The following RTF2 variants were observed in gnomAD, a reference collection of about 807,000 sequenced individuals.
RTF2 encodes the protein UPF0549 protein C20orf43.
In RTF2, 18 loss-of-function variants were observed where a neutral mutation model predicts 38.0. The ratio of observed to expected loss-of-function variants is 0.47; its 90% CI spans 0.33 to 0.70. The LOEUF (loss-of-function observed/expected upper bound fraction) is 0.70, where lower values mean the gene tolerates loss of function less well. Among genes scored for constraint, RTF2 ranks in the 30% least tolerant of loss-of-function variants. The pLI is 0.02. For missense variants in RTF2, 311 were observed against 379.6 expected (o/e 0.82, Z 1.50); for synonymous variants, 126 against 137.1 (o/e 0.92, Z 0.57).
intron 5 of RTF2, among the ~76,000 whole-genome samples, chr20:56,492,445 C>T (rs1417660050): frequency 6.7e-6 from 1 of 149,676 alleles, no homozygotes; most frequent in Non-Finnish European, 1.5e-5. Context: ...ACAGGCCAGG[C>T]ACGGTGGCTC....
chr20:56,505,597 G>T (rs1199851578), intron 5 of RTF2, among the ~76,000 whole-genome samples: 2 of 151,772 alleles, frequency 1.3e-5, no homozygotes, highest in African/African-American at 2.4e-5. Flanking sequence ...GTTGGTGCTG[G>T]GTTTCACTTC....
At position 56,504,011 on chromosome 20, in the gene RTF2, AC is replaced by A. The variant is rs1350325319; in HGVS notation, c.478-9302del. 3 of 152,400 alleles carry A rather than the reference AC, an allele frequency of 2.0e-5. No homozygotes were observed. In the East Asian group the frequency reaches 5.8e-4, roughly 29 times the overall value. 9.4% of individuals were successfully genotyped at this position (152,400 alleles called of 1,614,324 possible). A position where few individuals can be genotyped will look rare whatever the true frequency, so the allele number is the denominator to read the frequency against. ...ACGCACATGCACATATACCTGCTTA[AC>A]CTTTGCCATTGGTGGGTCCTGCATA... On this transcript the variant is annotated intron_variant, in intron 5 of 8. Transcript: ENST00000357348.
At chr20:56,476,058 C>T (rs1027437538) in intron 3 of RTF2, among the ~76,000 whole-genome samples, 2 of 152,136 alleles carry the variant, frequency 1.3e-5, no homozygotes, top group Admixed American at 1.3e-4. Flanking sequence ...TCAAAATGGT[C>T]TCATTAAATA....
chr20:56,476,942 T>G (rs1308393553), intron 3 of RTF2, 43 bp from the exon 4 acceptor site: 1 of 1,600,134 alleles, frequency 6.2e-7, no homozygotes, highest in Non-Finnish European at 8.5e-7. Context: ...AAGGATGATC[T>G]GTTTATCAAA....
chr20:56,510,801 A>G (rs1034538657), intron 5 of RTF2, among the ~76,000 whole-genome samples: 1 of 152,160 alleles, frequency 6.6e-6, no homozygotes, highest in Non-Finnish European at 1.5e-5. Flanking sequence ...TTAGCCAGGC[A>G]TGGTGGCGCA....
intron 1 of RTF2, chr20:56,470,752 G>T (rs919214302): frequency 6.8e-6 from 3 of 442,216 alleles, no homozygotes; most frequent in South Asian, 3.1e-5. Context: ...TGCCTACGTG[G>T]TGGGGTCTCC....
intron 2 of RTF2, 104 bp from the exon 3 acceptor site, chr20:56,474,574 T>G (rs922866134): frequency 1.5e-6 from 1 of 649,664 alleles, no homozygotes; most frequent in Non-Finnish European, 2.6e-6. Context: ...GGTATTTCTC[T>G]TATCAAATGT....
At chr20:56,508,071 A>T (rs529937998) in intron 5 of RTF2, among the ~76,000 whole-genome samples, 2 of 152,110 alleles carry the variant, frequency 1.3e-5, no homozygotes, top group Non-Finnish European at 2.9e-5. Context: ...TAACTTCTCT[A>T]TGGCACCACC....
chr20:56,468,730 G>A lies in RTF2; in HGVS notation c.33G>A (p.Arg11=), dbSNP rs540761655. The change falls in exon 1 of 9, where the codon AGG becomes AGA. Residue 11 remains arginine (R), a synonymous_variant. Coordinates refer to ENST00000357348, the MANE Select transcript of RTF2 (RefSeq NM_016407.5). The stretch of plus-strand genomic sequence containing the variant: ...GCGACGGGGGAACAATCCCCAAGAG[G>A]CATGAACTGGTGAAGGGGCCGAAGA... The part of the protein sequence containing the change: MGCDGGTIPK[R]HELVKGPKKV... 2 of 1,590,518 alleles carry A rather than the reference G, an allele frequency of 1.3e-6. No individual in the cohort carries two copies. The highest frequency in any genetic ancestry group is 2.3e-5 in the South Asian group (2 of 87,498).
chr20:56,479,633 G>A lies in RTF2; in HGVS notation c.398+2509G>A, dbSNP rs1982427926. ...GGAATGGCAGAGGAAGCCTATGGCA[G>A]CTATAGCCTTATGAAATGTATTTTT... On this transcript the variant is annotated intron_variant, in intron 4 of 8. Coordinates refer to ENST00000357348, the MANE Select transcript of RTF2 (RefSeq NM_016407.5). 2.0e-5 allele frequency among the ~76,000 whole-genome samples: 3 copies of A among 152,210 alleles called. 1 individual carries two copies. The South Asian group carries it at 6.2e-4, about 32-fold the overall frequency.
chr20:56,510,563 T>TA (rs1438648494), intron 5 of RTF2, among the ~76,000 whole-genome samples: 2 of 152,366 alleles, frequency 1.3e-5, no homozygotes, highest in African/African-American at 4.8e-5. Context: ...TTTTTATTTT[T>TA]AAAAACTTGC....
intron 4 of RTF2, among the ~76,000 whole-genome samples, chr20:56,481,620 TAC>T (rs765825338): frequency 2.0e-5 from 3 of 150,752 alleles, no homozygotes; most frequent in Non-Finnish European, 4.4e-5. Context: ...CATATATATA[TAC>T]ACACACATAT....
Position 56,513,428 on chromosome 20 carries a change from G to T in RTF2, c.591G>T (p.Lys197Asn), listed in dbSNP as rs1236181960. ...GAAGGCTGAGAGCGAAGCTGGAAAA[G>T]GTAATGGGAGTCTTCAGGTTCCGCC... ...EERRLRAKLE[K>N]KTKKPKAAES... is the part of the protein sequence containing the mutation. Residue 197 changes from lysine (K) to asparagine (N), a missense_variant and splice_region_variant, in exon 6 of 9, where the codon AAG (lysine) becomes AAT (asparagine). Physicochemically the swap from Lys to Asn is moderately conservative, Grantham distance 94 (BLOSUM62 0). Coordinates refer to ENST00000357348, the MANE Select transcript of RTF2 (RefSeq NM_016407.5). 6.3e-7 allele frequency: 1 copy of T among 1,585,064 alleles called. No individual in the cohort carries two copies. The highest frequency in any genetic ancestry group is 1.3e-5 in the African/African-American group (1 of 74,512).
At chr20:56,503,302 A>C (rs1362893860) in intron 5 of RTF2, among the ~76,000 whole-genome samples, 3 of 152,232 alleles carry the variant, frequency 2.0e-5, no homozygotes, top group Non-Finnish European at 1.5e-5. Context: ...CAAAATGCCT[A>C]TTCCTAAAAC....
intron 5 of RTF2, among the ~76,000 whole-genome samples, chr20:56,485,727 T>C (rs1982762950): frequency 6.6e-6 from 1 of 152,206 alleles, no homozygotes; most frequent in African/African-American, 2.4e-5. Context: ...TTGGTTGATA[T>C]TCAGCCAGAA....
chr20:56,474,701 T>C lies in RTF2; in HGVS notation c.188T>C (p.Ile63Thr), dbSNP rs754573990. The change falls in exon 3 of 9, where the codon ATT (isoleucine) becomes ACT (threonine). Residue 63 changes from isoleucine to threonine, a missense_variant. Physicochemically the swap from Ile to Thr is moderately conservative, Grantham distance 89. Transcript: ENST00000357348. ...LGRLYNKDAV[I>T]EFLLDKSAEK... is the part of the protein sequence containing the mutation. ...AGACTTTATAACAAAGATGCCGTCATTGAATTTCTCTTGGACAAATCTGCA... is the reference window on the plus strand; with the variant it reads ...AGACTTTATAACAAAGATGCCGTCACTGAATTTCTCTTGGACAAATCTGCA... 7 of 1,610,312 alleles carry C rather than the reference T, an allele frequency of 4.3e-6. No individual in the cohort carries two copies. Among genetic ancestry groups the C allele is most frequent in the Non-Finnish European group, 5.1e-6 (6 of 1,178,778 alleles).
intron 3 of RTF2, among the ~76,000 whole-genome samples, chr20:56,476,055 G>A (rs889902102): frequency 6.6e-6 from 1 of 152,110 alleles, no homozygotes; most frequent in Non-Finnish European, 1.5e-5. Flanking sequence ...AAGTCAAAAT[G>A]GTCTCATTAA....
chr20:56,472,826 T>C (rs982042946), intron 1 of RTF2, among the ~76,000 whole-genome samples: 2 of 152,244 alleles, frequency 1.3e-5, no homozygotes, highest in Admixed American at 1.3e-4. Context: ...GATGTAGTAT[T>C]AATTACTTGT....
chr20:56,506,403 A>G (rs1387789295), intron 5 of RTF2, among the ~76,000 whole-genome samples: 1 of 148,734 alleles, frequency 6.7e-6, no homozygotes, highest in Non-Finnish European at 1.5e-5. Flanking sequence ...TCAGAGATGC[A>G]TGCAGTCAGC....
Sources: gnomAD v4.1 joint callset for allele counts (sites outside exome capture counted in the v4.1 genomes callset) on GRCh38, gnomAD v4.1.1 for gene constraint, MANE v1.5 for transcripts, NCBI Gene and HGNC (gene_info 2026-07-23, HGNC 2026-07-21) for gene names.